ROBO2: variants seen among roughly 807,000 people sequenced by gnomAD.
The protein encoded by ROBO2 is roundabout homolog 2.
In ROBO2, 53 loss-of-function variants were observed where a neutral mutation model predicts 160.8. The observed-to-expected ratio is 0.33, with a 90% CI of 0.26 to 0.41. The LOEUF is 0.41. Among genes scored for constraint, ROBO2 ranks in the 10% least tolerant of loss-of-function variants. The pLI is 1.00. For missense variants in ROBO2, 1,577 were observed against 1,722.4 expected (o/e 0.92, Z 1.49); for synonymous variants, 664 against 611.7 (o/e 1.09, Z -1.26).
intron 2 of ROBO2, among the ~76,000 whole-genome samples, chr3:76,844,885 AT>A (rs5850293): frequency 0.13 from 19,406 of 151,940 alleles, 1,398 homozygotes; most frequent in East Asian, 0.24. Flanking sequence ...TTAGATGAGT[AT>A]AAAGCAAAGT....
chr3:77,053,558 G>A (rs1463589305), intron 1 of ROBO2, among the ~76,000 whole-genome samples: 1 of 152,104 alleles, frequency 6.6e-6, no homozygotes, highest in African/African-American at 2.4e-5. Flanking sequence ...TTTGGTGGGT[G>A]ATGTCTCAAG....
intron 1 of ROBO2, among the ~76,000 whole-genome samples, chr3:77,074,186 C>T (rs927588665): frequency 1.3e-5 from 2 of 152,120 alleles, no homozygotes; most frequent in Non-Finnish European, 2.9e-5. Context: ...TCAAGCGTGT[C>T]CTGATTGTTT....
intron 2 of ROBO2, among the ~76,000 whole-genome samples, chr3:76,532,000 C>T (rs971748319): frequency 2.6e-5 from 4 of 152,080 alleles, no homozygotes; most frequent in Admixed American, 1.3e-4. Context: ...GAGTTAAACC[C>T]GTTTCTTTTC....
At chr3:77,180,219 A>G (rs563879271) in intron 2 of ROBO2, among the ~76,000 whole-genome samples, 29 of 152,058 alleles carry the variant, frequency 1.9e-4, no homozygotes, top group African/African-American at 6.0e-4. Flanking sequence ...CATTTTGTAT[A>G]AATTCTATGT....
At chr3:77,541,121 T>C (rs2092442315) in intron 6 of ROBO2, among the ~76,000 whole-genome samples, 1 of 152,148 alleles carries the variant, frequency 6.6e-6, no homozygotes, top group South Asian at 2.1e-4. Context: ...GGCATAAAAT[T>C]ATATCCAAAG....
At chr3:76,043,734 C>G (rs1459251632) in intron 2 of ROBO2, among the ~76,000 whole-genome samples, 1 of 151,546 alleles carries the variant, frequency 6.6e-6, no homozygotes, top group Non-Finnish European at 1.5e-5. Context: ...TTTAAGCCTT[C>G]CAGAAGCACT....
chr3:77,126,712 A>T (rs192895954), intron 2 of ROBO2, among the ~76,000 whole-genome samples: 2,000 of 127,654 alleles, frequency 0.016, 85 homozygotes, highest in Admixed American at 0.074. Context: ...ATATATATAT[A>T]TTTTTTTTCC....
At chr3:76,561,227 G>C (rs182690208) in intron 2 of ROBO2, among the ~76,000 whole-genome samples, 2 of 151,836 alleles carry the variant, frequency 1.3e-5, no homozygotes, top group Admixed American at 6.6e-5. Flanking sequence ...AAAAATAATT[G>C]GTTGAATCCT....
chr3:76,916,324 A>C (rs1010549558), intron 2 of ROBO2, among the ~76,000 whole-genome samples: 1 of 152,112 alleles, frequency 6.6e-6, no homozygotes, highest in African/African-American at 2.4e-5. Context: ...AAATGCAAAT[A>C]AAAGAGACTT....
At chr3:77,175,518 T>C (rs897921098) in intron 2 of ROBO2, among the ~76,000 whole-genome samples, 1 of 151,992 alleles carries the variant, frequency 6.6e-6, no homozygotes, top group Non-Finnish European at 1.5e-5. Flanking sequence ...TATTGTTGGA[T>C]CTACGTGTTA....
At chr3:76,368,236 A>G (rs2075929354) in intron 2 of ROBO2, among the ~76,000 whole-genome samples, 2 of 151,964 alleles carry the variant, frequency 1.3e-5, no homozygotes, top group Non-Finnish European at 2.9e-5. Flanking sequence ...AATCTGAGTC[A>G]TGAGTGAATA....
At chr3:75,957,248 AACACACACAC>A (rs74280410) in intron 2 of ROBO2, among the ~76,000 whole-genome samples, 1 of 149,372 alleles carries the variant, frequency 6.7e-6, no homozygotes, top group Non-Finnish European at 1.5e-5. Flanking sequence ...ACACACACAA[AACACACACAC>A]ACACACACAT....
intron 2 of ROBO2, among the ~76,000 whole-genome samples, chr3:76,291,081 C>G (rs932492787): frequency 5.5e-4 from 84 of 152,276 alleles, no homozygotes; most frequent in African/African-American, 1.9e-3. Context: ...AGAGACCCCC[C>G]TTCTCAATTT....
intron 2 of ROBO2, among the ~76,000 whole-genome samples, chr3:77,183,180 G>A (rs763878951): frequency 1.3e-5 from 2 of 152,012 alleles, no homozygotes; most frequent in African/African-American, 4.8e-5. Flanking sequence ...AGCCTCCAAA[G>A]CTGAAACGTT....
chr3:77,425,646 A>T (rs917202977), intron 2 of ROBO2, among the ~76,000 whole-genome samples: 1 of 150,538 alleles, frequency 6.6e-6, no homozygotes, highest in African/African-American at 2.5e-5. Flanking sequence ...TGTGCAGACC[A>T]TGCTAACGAC....
At chr3:76,430,989 A>G (rs905216475) in intron 2 of ROBO2, among the ~76,000 whole-genome samples, 4 of 152,114 alleles carry the variant, frequency 2.6e-5, no homozygotes, top group Non-Finnish European at 5.9e-5. Context: ...TAATAAAATA[A>G]TAGTCATTTA....
chr3:76,328,069 T>C (rs554221656), intron 2 of ROBO2, among the ~76,000 whole-genome samples: 1 of 152,292 alleles, frequency 6.6e-6, no homozygotes, highest in African/African-American at 2.4e-5. Context: ...ACTAAATTAA[T>C]TGATTCTTTA....
chr3:77,082,970 C>T (rs185073823), intron 1 of ROBO2, among the ~76,000 whole-genome samples: 2 of 152,154 alleles, frequency 1.3e-5, no homozygotes, highest in South Asian at 2.1e-4. Flanking sequence ...ATCATCATTT[C>T]GGGATTCATA....
intron 2 of ROBO2, among the ~76,000 whole-genome samples, chr3:76,511,550 CAT>C (rs149285636): frequency 0.072 from 10,990 of 152,148 alleles, 545 homozygotes; most frequent in Non-Finnish European, 0.11. Flanking sequence ...ATAAAGTAAA[CAT>C]AAAACACTTT....
Sources: allele counts gnomAD v4.1 joint callset (sites outside exome capture counted in the v4.1 genomes callset), GRCh38; gene constraint gnomAD v4.1.1; transcripts MANE v1.5; gene names NCBI Gene and HGNC (gene_info 2026-07-23, HGNC 2026-07-21).